Variants in EEF2K observed in about 807,000 individuals in gnomAD.
The protein encoded by EEF2K is alternative protein EEF2K.
A neutral mutation model predicts 93.8 loss-of-function variants in EEF2K; 70 were observed. The ratio of observed to expected loss-of-function variants is 0.75; its 90% CI spans 0.62 to 0.91. The LOEUF (loss-of-function observed/expected upper bound fraction) is 0.91. Among genes scored for constraint, EEF2K ranks in the 40% least tolerant of loss-of-function variants. EEF2K has a pLI of 0.00. For missense variants in EEF2K, 935 were observed against 972.9 expected (o/e 0.96, Z 0.52); for synonymous variants, 376 against 380.8 (o/e 0.99, Z 0.15).
chr16:22,271,853 G>A (rs2047585792), intron 15 of EEF2K, among the ~76,000 whole-genome samples: 1 of 152,118 alleles, frequency 6.6e-6, no homozygotes. Context: ...GCAATTGATG[G>A]AGAAGTGTAG....
At position 22,257,318 on chromosome 16, in the gene EEF2K, T is replaced by G; in HGVS notation, c.834T>G (p.Val278=). 6.2e-7 allele frequency: 1 copy of G among 1,613,866 alleles called. No homozygotes were observed. Among genetic ancestry groups the G allele is most frequent in the Non-Finnish European group, 8.5e-7 (1 of 1,179,970 alleles). The change falls in exon 8 of 18, where the codon GTT becomes GTG. Residue 278 remains valine, a synonymous_variant. Transcript: ENST00000263026. ...HQLIVVDIQG[V]GDLYTDPQIH... ...TGATAGTGGTGGACATCCAGGGAGT[T>G]GGGGATCTCTACACTGACCCACAGA...
intron 11 of EEF2K, 118 bp from the exon 12 acceptor site, chr16:22,262,992 A>C: frequency 1.2e-6 from 1 of 820,300 alleles, no homozygotes; most frequent in Non-Finnish European, 1.9e-6. Flanking sequence ...CAGCAGGAGC[A>C]GGGTGTTAGG....
At chr16:22,221,927 G>A (rs1395277363) in intron 1 of EEF2K, among the ~76,000 whole-genome samples, 6 of 151,964 alleles carry the variant, frequency 3.9e-5, no homozygotes, top group African/African-American at 1.5e-4. Context: ...AAAATTAGCT[G>A]GGTGTGGTGG....
At chr16:22,229,297 G>T (rs1471039631) in intron 2 of EEF2K, among the ~76,000 whole-genome samples, 3 of 152,152 alleles carry the variant, frequency 2.0e-5, no homozygotes, top group Non-Finnish European at 4.4e-5. Context: ...CCTTCATGTT[G>T]GTTATCGTAA....
rs377076638 is a variant in EEF2K, at chr16:22,260,615, G to A, written c.1299+86G>A. ...ACTCCCAGAGTGAATCTTCAGCTTC[G>A]GAGGTGGGCAGCCTAGCCCAGGCAC... On this transcript the variant is annotated intron_variant, in intron 11 of 17. Transcript: ENST00000263026. 2.9e-4 allele frequency: 457 copies of A among 1,562,010 alleles called. 1 individual carries two copies. The African/African-American group carries it at 4.4e-3, about 15-fold the overall frequency.
At chr16:22,232,917 A>T (rs2047130231) in intron 2 of EEF2K, among the ~76,000 whole-genome samples, 1 of 151,576 alleles carries the variant, frequency 6.6e-6, no homozygotes. Context: ...GGAAACTTGG[A>T]TTGTTTAACC....
Position 22,274,471 on chromosome 16 carries a change from C to T in EEF2K, c.1889+721C>T, listed in dbSNP as rs549852686. On this transcript the variant is annotated intron_variant, in intron 16 of 17. Transcript: ENST00000263026. ...AAAAAAAAAAAAAAAAGATAAAAGTCATGTGATACGAGGCAGCCATTCTAA... is the reference window on the plus strand; with the variant it reads ...AAAAAAAAAAAAAAAAGATAAAAGTTATGTGATACGAGGCAGCCATTCTAA... Among the ~76,000 whole-genome samples the T allele has an allele frequency of 1.5e-3, 225 of 150,490 alleles. 2 individuals are homozygous for T. Among genetic ancestry groups the T allele is most frequent in the Non-Finnish European group, 1.3e-3 (88 of 67,706 alleles).
At chr16:22,280,767 C>T (rs1358679943) in intron 17 of EEF2K, among the ~76,000 whole-genome samples, 2 of 151,502 alleles carry the variant, frequency 1.3e-5, no homozygotes, top group Non-Finnish European at 2.9e-5. Flanking sequence ...CGAGTTCCAG[C>T]GATTCTCCTG....
intron 5 of EEF2K, 35 bp from the exon 6 acceptor site, chr16:22,251,116 T>C (rs369010030): frequency 5.0e-6 from 8 of 1,596,182 alleles, no homozygotes; most frequent in Non-Finnish European, 6.8e-6. Flanking sequence ...AACCCCAGAG[T>C]ACCCAGGTAG....
chr16:22,263,378 G>A (rs1330121634), intron 12 of EEF2K, 191 bp downstream of exon 12: 2 of 320,836 alleles, frequency 6.2e-6, no homozygotes, highest in South Asian at 4.0e-5. Context: ...GGAGGCCAAG[G>A]CGGGTGGATC....
In EEF2K at chr16:22,264,912, C is replaced by T. The variant is rs763968900; in HGVS notation, c.1440+32C>T. 2.5e-6 allele frequency: 4 copies of T among 1,612,614 alleles called. No individual in the cohort carries two copies. The African/African-American group carries it at 4.0e-5, about 16-fold the overall frequency. ...CGCCCTGAGGCACCCTTGTCTCTGC[C>T]TCTTCCCTGTCTCCTCCAGGCTCTG... On this transcript the variant is annotated intron_variant, in intron 13 of 17. Coordinates refer to ENST00000263026, the MANE Select transcript of EEF2K (RefSeq NM_013302.5).
rs142529357 is a variant in EEF2K, at chr16:22,250,636, CTG to C, written c.409-13_409-12del. On this transcript the variant is annotated splice_polypyrimidine_tract_variant and intron_variant, in intron 4 of 17. Transcript: ENST00000263026. ...GTGGGGCATGGGGACTGATAACACT[CTG>C]TGTGGTGTCTTTCAGCCCTTCGGCC... 285 of 1,614,200 alleles carry C rather than the reference CTG, an allele frequency of 1.8e-4. No individual in the cohort carries two copies. The African/African-American group carries it at 3.3e-3, about 19-fold the overall frequency.
At chr16:22,246,612 A>T (rs2047294587) in intron 3 of EEF2K, among the ~76,000 whole-genome samples, 1 of 151,556 alleles carries the variant, frequency 6.6e-6, no homozygotes, top group South Asian at 2.1e-4. Flanking sequence ...CAAAATATAT[A>T]TTTACCATCA....
intron 4 of EEF2K, among the ~76,000 whole-genome samples, chr16:22,249,774 A>C (rs1231101703): frequency 6.6e-6 from 1 of 151,492 alleles, no homozygotes; most frequent in East Asian, 1.9e-4. Flanking sequence ...CACCCAGTCA[A>C]TTTTTAAAAA....
rs369982183 is a variant in EEF2K at position 22,255,937 on chromosome 16, G to A, written c.619-811G>A. The stretch of plus-strand genomic sequence containing the variant: ...AAATAAATTTTTTTTTTTTTAAGAC[G>A]GAGTCTCACTCTGTCATCCAGGCTG... On this transcript the variant is annotated intron_variant, in intron 6 of 17. Transcript: ENST00000263026. Among the ~76,000 whole-genome samples the A allele has an allele frequency of 5.3e-5, 8 of 150,644 alleles. No homozygotes were observed. The South Asian group carries it at 1.0e-3, about 20-fold the overall frequency.
chr16:22,250,797 C>T (rs2047342274), intron 5 of EEF2K, 106 bp downstream of exon 5: 1 of 1,457,286 alleles, frequency 6.9e-7, no homozygotes, highest in East Asian at 2.3e-5. Flanking sequence ...CCAGGGGCCT[C>T]TGCCTTCTTG....
intron 1 of EEF2K, among the ~76,000 whole-genome samples, chr16:22,212,166 AAAC>A (rs1468328091): frequency 6.6e-6 from 1 of 152,222 alleles, no homozygotes; most frequent in African/African-American, 2.4e-5. Context: ...CAGATTCCTG[AAAC>A]AATAAAATAG....
intron 3 of EEF2K, among the ~76,000 whole-genome samples, chr16:22,246,011 C>T (rs2047286536): frequency 6.6e-6 from 1 of 152,094 alleles, no homozygotes; most frequent in Non-Finnish European, 1.5e-5. Flanking sequence ...GAGATAGCAT[C>T]AGATCCCACA....
At chr16:22,241,687 T>C (rs2047225213) in intron 2 of EEF2K, among the ~76,000 whole-genome samples, 1 of 149,356 alleles carries the variant, frequency 6.7e-6, no homozygotes, top group Non-Finnish European at 1.5e-5. Context: ...GGAAAAGAAT[T>C]AGTCTACGGC....
Sources: gnomAD v4.1 joint callset for allele counts (sites outside exome capture counted in the v4.1 genomes callset) on GRCh38, gnomAD v4.1.1 for gene constraint, MANE v1.5 for transcripts, NCBI Gene and HGNC (gene_info 2026-07-23, HGNC 2026-07-21) for gene names.